DNAH7: variants seen among roughly 807,000 people sequenced by gnomAD.
DNAH7 encodes dynein axonemal heavy chain 7, also known as axonemal beta dynein heavy chain 7.
In DNAH7, 397 loss-of-function variants were observed where a neutral mutation model predicts 444.6. The ratio of observed to expected loss-of-function variants is 0.89; its 90% confidence interval spans 0.82 to 0.97. The LOEUF is 0.97. DNAH7 is among the 50% of genes least tolerant of loss of function. The pLI is 0.00. For missense variants in DNAH7, 4,902 were observed against 4,800.8 expected (o/e 1.02, Z -0.62); for synonymous variants, 1,636 against 1,624.4 (o/e 1.01, Z -0.17).
At chr2:196,040,959 A>T (rs1559361229) in intron 5 of DNAH7, among the ~76,000 whole-genome samples, 1 of 152,068 alleles carries the variant, frequency 6.6e-6, no homozygotes, top group Admixed American at 6.5e-5. Context: ...AATCCAATTT[A>T]TAACAGCTAA....
chr2:196,052,349 T>C (rs756367585), intron 2 of DNAH7, among the ~76,000 whole-genome samples: 15 of 152,348 alleles, frequency 9.8e-5, no homozygotes, highest in Non-Finnish European at 1.5e-4. Flanking sequence ...CAAAACAGTA[T>C]GCACTAGCCC....
chr2:195,876,321 T>G (rs1052705722), intron 37 of DNAH7, among the ~76,000 whole-genome samples: 2 of 152,186 alleles, frequency 1.3e-5, no homozygotes, highest in Non-Finnish European at 2.9e-5. Flanking sequence ...ATTTCTCAGA[T>G]GAATATTCTA....
rs1030352996 is a variant in DNAH7 at position 195,859,485 on chromosome 2, G to A, written c.7737-681C>T. On this transcript the variant is annotated intron_variant, in intron 42 of 64. Coordinates refer to ENST00000312428, the MANE Select transcript of DNAH7 (RefSeq NM_018897.3). The stretch of plus-strand genomic sequence containing the variant: ...GCAAATATATATATATGTCTCTATA[G>A]AGAAAACTCTTCTTTATAATTTCAT... Among the ~76,000 whole-genome samples, 36 of 151,866 alleles carry A rather than the reference G, an allele frequency of 2.4e-4. 1 individual carries two copies. The highest frequency in any genetic ancestry group is 7.4e-5 in the Non-Finnish European group (5 of 67,970).
intron 60 of DNAH7, among the ~76,000 whole-genome samples, chr2:195,772,873 C>T (rs984298641): frequency 9.2e-5 from 14 of 151,566 alleles, no homozygotes; most frequent in Admixed American, 7.9e-4. Flanking sequence ...CTCTGCCTCC[C>T]GGGTTCAAGC....
At chr2:196,047,626 TATAA>T (rs1697219459) in intron 4 of DNAH7, 127 bp from the exon 5 acceptor site, 26 of 754,970 alleles carry the variant, frequency 3.4e-5, no homozygotes, top group Non-Finnish European at 4.2e-5. Context: ...TAATCCTAAG[TATAA>T]TTTTTTTTTT....
intron 43 of DNAH7, among the ~76,000 whole-genome samples, chr2:195,857,931 T>G (rs1357222662): frequency 6.6e-6 from 1 of 152,226 alleles, no homozygotes; most frequent in Non-Finnish European, 1.5e-5. Flanking sequence ...TTTAAAAATC[T>G]ATCTTCATCT....
chr2:196,028,564 T>C lies in DNAH7; in HGVS notation c.399-517A>G, dbSNP rs1002136390. Among the ~76,000 whole-genome samples the C allele has an allele frequency of 2.0e-5, 3 of 152,240 alleles. No homozygotes were observed. The South Asian group carries it at 6.2e-4, about 32-fold the overall frequency. ...GTGCCTATGTATTTATTATTGGGTA[T>C]GTGTTCATATAATACAATAATGTTT... On this transcript the variant is annotated intron_variant, in intron 5 of 64. Transcript: ENST00000312428.
At chr2:195,964,682 T>C (rs1477269289) in intron 17 of DNAH7, among the ~76,000 whole-genome samples, 1 of 144,696 alleles carries the variant, frequency 6.9e-6, no homozygotes, top group Non-Finnish European at 1.5e-5. Flanking sequence ...CTGGCCAACA[T>C]GGTAACACCC....
chr2:196,041,618 T>C (rs1236922024), intron 5 of DNAH7, among the ~76,000 whole-genome samples: 2 of 152,012 alleles, frequency 1.3e-5, no homozygotes, highest in African/African-American at 4.8e-5. Context: ...GAAGAAAACA[T>C]TGGAAAAATG....
At chr2:195,981,514 G>A (rs78961948) in intron 15 of DNAH7, among the ~76,000 whole-genome samples, 1,747 of 151,766 alleles carry the variant, frequency 0.012, 16 homozygotes, top group Non-Finnish European at 0.017. Flanking sequence ...AAAGCTATCC[G>A]GAGCAAAAAG....
chr2:195,847,441 T>C (rs748223144), intron 46 of DNAH7, among the ~76,000 whole-genome samples: 14 of 151,828 alleles, frequency 9.2e-5, no homozygotes, highest in Admixed American at 3.3e-4. Flanking sequence ...AGCTAAATGA[T>C]GACAAGGCAT....
chr2:195,748,088 A>T (rs1693539482), intron 63 of DNAH7, among the ~76,000 whole-genome samples: 1 of 152,180 alleles, frequency 6.6e-6, no homozygotes, highest in Admixed American at 6.6e-5. Flanking sequence ...AGAAAACCCC[A>T]TTGTCTCAGC....
chr2:195,973,038 C>T (rs1691953750), intron 15 of DNAH7, among the ~76,000 whole-genome samples: 1 of 152,102 alleles, frequency 6.6e-6, no homozygotes, highest in Non-Finnish European at 1.5e-5. Context: ...CTTGGAGAAG[C>T]ACAAATAGAA....
intron 24 of DNAH7, among the ~76,000 whole-genome samples, chr2:195,920,342 T>A (rs1238685120): frequency 6.6e-6 from 1 of 152,106 alleles, no homozygotes; most frequent in African/African-American, 2.4e-5. Flanking sequence ...CAAAACAGCA[T>A]GGTACTAGTA....
Position 195,777,820 on chromosome 2 carries a change from A to C in DNAH7, c.11044T>G (p.Phe3682Val). Residue 3682 changes from phenylalanine (F) to valine (V), a missense_variant, in exon 59 of 65, where the codon TTT becomes GTT. Physicochemically the swap from Phe to Val is conservative, Grantham distance 50 (BLOSUM62 -1). Coordinates refer to ENST00000312428, the MANE Select transcript of DNAH7 (RefSeq NM_018897.3). ...CTTACATCACCAGAAGGAGGAACAAAATAGATGCCACTTGAGTCGAACTTA... is the reference window on the plus strand; with the variant it reads ...CTTACATCACCAGAAGGAGGAACAACATAGATGCCACTTGAGTCGAACTTA... The part of the protein sequence containing the change: ...DYKFDSSGIY[F>V]VPPSGDHKSY... 1 of 1,613,198 alleles carries C rather than the reference A, an allele frequency of 6.2e-7. No individual in the cohort carries two copies. The highest frequency in any genetic ancestry group is 8.5e-7 in the Non-Finnish European group (1 of 1,179,358).
intron 17 of DNAH7, among the ~76,000 whole-genome samples, chr2:195,969,228 G>C (rs1361228736): frequency 6.6e-6 from 1 of 152,080 alleles, no homozygotes; most frequent in East Asian, 1.9e-4. Flanking sequence ...CACCTCAGTG[G>C]CCTTGGTTTA....
rs4850652 is a variant in DNAH7, at chr2:196,047,241, A to T, written c.398+111T>A. The T allele has an allele frequency of 0.016, 14,509 of 933,622 alleles. 1,367 individuals carry two copies. In the East Asian group the frequency reaches 0.25, roughly 16 times the overall value. The allele number at this position is 933,622 out of a possible 1,614,324, so 57.8% of individuals were successfully genotyped here. On this transcript the variant is annotated intron_variant, in intron 5 of 64. Transcript: ENST00000312428. The stretch of plus-strand genomic sequence containing the variant: ...TTATTTATACTCTGACCTCATTCCA[A>T]CAAGCCTTTGAGGCACCCTTAGAGA...
chr2:195,778,551 C>T (rs560395428), intron 58 of DNAH7, among the ~76,000 whole-genome samples: 13 of 142,830 alleles, frequency 9.1e-5, no homozygotes, highest in East Asian at 4.1e-4. Flanking sequence ...GTAGGAGGAT[C>T]GAAGCTGCAG....
intron 19 of DNAH7, among the ~76,000 whole-genome samples, chr2:195,940,620 T>C (rs1306833560): frequency 2.0e-5 from 3 of 151,836 alleles, no homozygotes; most frequent in Admixed American, 6.6e-5. Context: ...ATTTTTGCAA[T>C]CTATCCATCT....
Sources: gnomAD v4.1 joint callset for allele counts (sites outside exome capture counted in the v4.1 genomes callset) on GRCh38, gnomAD v4.1.1 for gene constraint, MANE v1.5 for transcripts, NCBI Gene and HGNC (gene_info 2026-07-23, HGNC 2026-07-21) for gene names.